Variants in ASAP1 observed in about 807,000 individuals in gnomAD.
ASAP1 encodes the protein ArfGAP with SH3 domain, ankyrin repeat and PH domain 1, also known as arf-GAP with SH3 domain, ANK repeat and PH domain-containing protein 1.
In ASAP1, 43 loss-of-function variants were observed where a neutral mutation model predicts 145.2. That is an observed-to-expected ratio of 0.30 (90% CI 0.23 to 0.38). The LOEUF (loss-of-function observed/expected upper bound fraction) is 0.38, where lower values mean the gene tolerates loss of function less well. Among genes scored for constraint, ASAP1 ranks in the 10% least tolerant of loss-of-function variants. ASAP1 has a pLI of 1.00. For synonymous variants in ASAP1, 546 were observed against 515.5 expected, an observed-to-expected ratio of 1.06 and a Z score of -0.80; for missense variants, 1,018 against 1,355.3, an observed-to-expected ratio of 0.75 and a Z score of 3.91.
chr8:130,385,399 C>T (rs372478259), intron 2 of ASAP1, among the ~76,000 whole-genome samples: 11 of 152,228 alleles, frequency 7.2e-5, no homozygotes, highest in Non-Finnish European at 1.3e-4. Context: ...AAGAGCCAAC[C>T]GTGGGGCACC....
At chr8:130,362,604 A>ATC (rs1387325267) in intron 2 of ASAP1, among the ~76,000 whole-genome samples, 2 of 152,306 alleles carry the variant, frequency 1.3e-5, no homozygotes, top group East Asian at 3.9e-4. Flanking sequence ...CACGACTCAG[A>ATC]TATCTCTAAA....
At chr8:130,297,124 A>G (rs755650645) in intron 3 of ASAP1, among the ~76,000 whole-genome samples, 1 of 152,136 alleles carries the variant, frequency 6.6e-6, no homozygotes, top group Non-Finnish European at 1.5e-5. Flanking sequence ...TAATAATCTA[A>G]TTTAAGCATA....
At chr8:130,361,521 T>A in intron 2 of ASAP1, 1 of 665,776 alleles carries the variant, frequency 1.5e-6, no homozygotes, top group Non-Finnish European at 2.6e-6. Flanking sequence ...TTCAGTTTCA[T>A]TTGAAGATTA....
intron 13 of ASAP1, among the ~76,000 whole-genome samples, chr8:130,150,648 G>A (rs1308025692): frequency 6.6e-6 from 1 of 152,174 alleles, no homozygotes. Flanking sequence ...GGAGGCCGAG[G>A]CGGGTGGATC....
At chr8:130,108,968 T>C (rs1592819854) in intron 24 of ASAP1, among the ~76,000 whole-genome samples, 1 of 151,038 alleles carries the variant, frequency 6.6e-6, no homozygotes, top group Admixed American at 6.6e-5. Context: ...AGAGACGGGG[T>C]TTCTCCATGT....
At chr8:130,443,215 T>C (rs540389221) in intron 1 of ASAP1, among the ~76,000 whole-genome samples, 7,595 of 132,112 alleles carry the variant, frequency 0.057, 229 homozygotes, top group Middle Eastern at 0.11. Flanking sequence ...CGAGGAGACC[T>C]CCCCCCCCCA....
At chr8:130,108,339 A>G (rs1034859659) in intron 24 of ASAP1, among the ~76,000 whole-genome samples, 1 of 152,242 alleles carries the variant, frequency 6.6e-6, no homozygotes. Flanking sequence ...AACTGTAATT[A>G]GCATATCAGG....
At chr8:130,222,696 A>C (rs988547991) in intron 4 of ASAP1, among the ~76,000 whole-genome samples, 1 of 152,224 alleles carries the variant, frequency 6.6e-6, no homozygotes, top group Non-Finnish European at 1.5e-5. Flanking sequence ...TAATAATAAT[A>C]ATTTGCAATC....
intron 4 of ASAP1, among the ~76,000 whole-genome samples, chr8:130,235,106 C>G (rs566764023): frequency 6.6e-6 from 1 of 152,184 alleles, no homozygotes; most frequent in East Asian, 1.9e-4. Flanking sequence ...AAATAATATA[C>G]TTGACTTGAA....
At chr8:130,187,063 C>T (rs541606338) in intron 7 of ASAP1, among the ~76,000 whole-genome samples, 173 bp downstream of exon 7, 74 of 152,228 alleles carry the variant, frequency 4.9e-4, no homozygotes, top group African/African-American at 1.7e-3. Flanking sequence ...GTCAGTGTAC[C>T]CAACCTCTTA....
intron 25 of ASAP1, chr8:130,084,390 T>C (rs1304557967): frequency 9.9e-5 from 15 of 152,214 alleles, no homozygotes; most frequent in Admixed American, 9.8e-4. Context: ...AATCCCTTTT[T>C]CTCTCTCTGT....
intron 23 of ASAP1, among the ~76,000 whole-genome samples, chr8:130,113,331 T>C (rs1247990329): frequency 1.3e-5 from 2 of 152,128 alleles, no homozygotes; most frequent in Non-Finnish European, 2.9e-5. Flanking sequence ...GCACGTGGTG[T>C]TCTGGAATGA....
intron 25 of ASAP1, among the ~76,000 whole-genome samples, chr8:130,090,450 A>T (rs1310827357): frequency 1.3e-5 from 2 of 152,204 alleles, no homozygotes; most frequent in Non-Finnish European, 2.9e-5. Context: ...TGTCACGGAC[A>T]TCCTTAGTCT....
At chr8:130,201,915 T>C (rs1276308658) in intron 5 of ASAP1, among the ~76,000 whole-genome samples, 3 of 152,210 alleles carry the variant, frequency 2.0e-5, no homozygotes, top group African/African-American at 7.2e-5. Context: ...CAATATCTTT[T>C]ACTCAGGACA....
At position 130,072,824 on chromosome 8, in the gene ASAP1, T is replaced by TGCGCGCGC. The variant is rs71303498; in HGVS notation, c.2701+3523_2701+3524insGCGCGCGC. 3.4e-3 allele frequency among the ~76,000 whole-genome samples: 110 copies of TGCGCGCGC among 32,038 alleles called. 1 individual carries two copies. Among genetic ancestry groups the TGCGCGCGC allele is most frequent in the Middle Eastern group, 0.016 (1 of 62 alleles). 21.0% of individuals were successfully genotyped at this position (32,038 alleles called of 152,430 possible). ...GTGTGTGTGTGTGTGTGTGTGTGTG[T>TGCGCGCGC]GCGCGCGGGGGGGGGCAGTTTTGGG... On this transcript the variant is annotated intron_variant, in intron 27 of 29. Transcript: ENST00000518721.
At chr8:130,343,456 G>C (rs1825513940) in intron 3 of ASAP1, among the ~76,000 whole-genome samples, 1 of 152,186 alleles carries the variant, frequency 6.6e-6, no homozygotes, top group African/African-American at 2.4e-5. Flanking sequence ...AGCACATTCA[G>C]AGCCCAGTTT....
At chr8:130,092,235 G>T in intron 24 of ASAP1, 92 bp from the exon 25 acceptor site, 1 of 1,358,906 alleles carries the variant, frequency 7.4e-7, no homozygotes, top group South Asian at 1.4e-5. Flanking sequence ...ACATCAGAAT[G>T]TGGTATGACA....
intron 3 of ASAP1, among the ~76,000 whole-genome samples, chr8:130,261,474 T>C (rs1819893231): frequency 6.6e-6 from 1 of 151,650 alleles, no homozygotes; most frequent in Admixed American, 6.6e-5. Flanking sequence ...AGATGTAGGG[T>C]GGTGGGAGGC....
intron 4 of ASAP1, among the ~76,000 whole-genome samples, chr8:130,227,313 C>A (rs1241624558): frequency 2.0e-5 from 3 of 152,018 alleles, no homozygotes; most frequent in Non-Finnish European, 4.4e-5. Context: ...AGCACACTGG[C>A]GCAATTACAG....
Sources: allele counts gnomAD v4.1 joint callset (sites outside exome capture counted in the v4.1 genomes callset), GRCh38; gene constraint gnomAD v4.1.1; transcripts MANE v1.5; gene names NCBI Gene and HGNC (gene_info 2026-07-23, HGNC 2026-07-21).